The following AMOTL1 variants were observed in gnomAD, a reference collection of about 807,000 sequenced individuals.
AMOTL1 encodes the protein angiomotin like 1, also known as angiomotin-like protein 1.
Under a neutral mutation model 102.9 loss-of-function variants are expected in AMOTL1, and 45 were observed. The observed-to-expected ratio is 0.44, with a 90% confidence interval of 0.34 to 0.56. AMOTL1 has a LOEUF of 0.56. AMOTL1 is among the 20% of genes least tolerant of loss of function. The pLI, the probability that AMOTL1 is intolerant of heterozygous loss-of-function variation, is 0.01. For synonymous variants in AMOTL1, 481 were observed against 484.7 expected, an observed-to-expected ratio of 0.99 and a Z score of 0.10; for missense variants, 1,114 against 1,225.6, an observed-to-expected ratio of 0.91 and a Z score of 1.36.
intron 2 of AMOTL1, among the ~76,000 whole-genome samples, chr11:94,739,277 G>A (rs1169205719): frequency 6.6e-6 from 1 of 152,150 alleles, no homozygotes; most frequent in African/African-American, 2.4e-5. Flanking sequence ...AGTTGGGAGG[G>A]GATGGAGTGA....
At chr11:94,781,828 C>T (rs919425144) in intron 1 of AMOTL1, among the ~76,000 whole-genome samples, 4 of 150,166 alleles carry the variant, frequency 2.7e-5, no homozygotes, top group Admixed American at 6.6e-5. Flanking sequence ...AGCGAGACTC[C>T]GTCTCAAAAA....
At chr11:94,800,425 T>C in intron 3 of AMOTL1, 114 bp downstream of exon 3, 1 of 1,200,724 alleles carries the variant, frequency 8.3e-7, no homozygotes. Flanking sequence ...TTTTTCCTTA[T>C]GCATGATATT....
At chr11:94,789,034 C>A (rs933181913) in intron 1 of AMOTL1, among the ~76,000 whole-genome samples, 1 of 152,232 alleles carries the variant, frequency 6.6e-6, no homozygotes, top group Non-Finnish European at 1.5e-5. Flanking sequence ...CCCCACCCCT[C>A]AACCCCCAAC....
At chr11:94,790,055 GC>G (rs1951257187) in intron 1 of AMOTL1, among the ~76,000 whole-genome samples, 1 of 152,092 alleles carries the variant, frequency 6.6e-6, no homozygotes, top group Non-Finnish European at 1.5e-5. Context: ...GAGAGTAAGG[GC>G]CCCCTCATCT....
intron 9 of AMOTL1, among the ~76,000 whole-genome samples, chr11:94,861,737 A>G (rs1952777761): frequency 6.6e-6 from 1 of 152,222 alleles, no homozygotes; most frequent in African/African-American, 2.4e-5. Flanking sequence ...GAGGAATGAC[A>G]CAGGGGCTTC....
chr11:94,729,592 T>C (rs1213380208), intron 2 of AMOTL1, among the ~76,000 whole-genome samples: 1 of 152,116 alleles, frequency 6.6e-6, no homozygotes, highest in East Asian at 1.9e-4. Flanking sequence ...AGCATACAAA[T>C]ATAAGAACCA....
Position 94,874,632 on chromosome 11 carries a change from T to C in AMOTL1, c.*3837T>C, listed in dbSNP as rs1456379763. On this transcript the variant is annotated 3_prime_UTR_variant, in exon 13 of 13. Transcript: ENST00000433060. ...GCAGAGCAGCCAGTCATTACTCTTG[T>C]TTGTTCTCACCTGGGTGCGCACCCT... 1 of 152,206 alleles carries C rather than the reference T, an allele frequency of 6.6e-6. No homozygotes were observed. Among genetic ancestry groups the C allele is most frequent in the East Asian group, 1.9e-4 (1 of 5,198 alleles). 9.4% of individuals were successfully genotyped at this position (152,206 alleles called of 1,614,324 possible).
intron 3 of AMOTL1, among the ~76,000 whole-genome samples, chr11:94,815,811 G>T (rs544064067): frequency 1.3e-5 from 2 of 152,036 alleles, no homozygotes; most frequent in Non-Finnish European, 1.5e-5. Context: ...ATCTTGTATG[G>T]TAAATTTTTT....
intron 5 of AMOTL1, among the ~76,000 whole-genome samples, chr11:94,831,208 C>T (rs1389589588): frequency 6.6e-6 from 1 of 152,178 alleles, no homozygotes; most frequent in African/African-American, 2.4e-5. Context: ...GCACCTCTCC[C>T]TAGCTGCCTG....
chr11:94,731,552 C>A (rs111853558), intron 2 of AMOTL1, among the ~76,000 whole-genome samples: 7 of 152,244 alleles, frequency 4.6e-5, no homozygotes, highest in African/African-American at 1.7e-4. Flanking sequence ...AGAGCTAAGT[C>A]AGAAATGGAC....
At chr11:94,838,862 C>A (rs1952236084) in intron 6 of AMOTL1, among the ~76,000 whole-genome samples, 1 of 152,142 alleles carries the variant, frequency 6.6e-6, no homozygotes, top group Admixed American at 6.5e-5. Context: ...AGTGAGGATT[C>A]ACAATTAGCT....
intron 3 of AMOTL1, among the ~76,000 whole-genome samples, chr11:94,818,488 C>A (rs1015445036): frequency 6.6e-6 from 1 of 152,102 alleles, no homozygotes; most frequent in Non-Finnish European, 1.5e-5. Context: ...GCCTATATGG[C>A]AAATAATTTT....
intron 2 of AMOTL1, 94 bp downstream of exon 2, chr11:94,795,254 T>A: frequency 6.9e-7 from 1 of 1,443,106 alleles, no homozygotes; most frequent in East Asian, 2.3e-5. Flanking sequence ...GTTTATTCTC[T>A]AATCTTGTTT....
In AMOTL1 at chr11:94,768,525, A is replaced by G. The variant is rs371155522; in HGVS notation, c.14A>G (p.Lys5Arg). 1 of 1,601,986 alleles carries G rather than the reference A, an allele frequency of 6.2e-7. No individual in the cohort carries two copies. The highest frequency in any genetic ancestry group is 1.3e-5 in the African/African-American group (1 of 74,572). MWRA[K>R]LRRGTCEPAV... ...CATGATCGCCTCATGTGGAGGGCAA[A>G]GTTGCGCCGGGGAACTTGTGAGCCT... Residue 5 changes from lysine (K) to arginine (R), a missense_variant, in exon 1 of 13, where the codon AAG (lysine) becomes AGG (arginine). Lys to Arg is a conservative substitution (Grantham distance 26, BLOSUM62 2). Coordinates refer to ENST00000433060, the MANE Select transcript of AMOTL1 (RefSeq NM_130847.3).
chr11:94,823,549 TC>T (rs1333740159), intron 4 of AMOTL1, among the ~76,000 whole-genome samples: 1 of 152,102 alleles, frequency 6.6e-6, no homozygotes, highest in Non-Finnish European at 1.5e-5. Context: ...AGGACCTCTT[TC>T]TTCTCTCCTA....
chr11:94,727,851 G>T (rs1950286282), intron 1 of AMOTL1, among the ~76,000 whole-genome samples: 1 of 152,110 alleles, frequency 6.6e-6, no homozygotes, highest in Non-Finnish European at 1.5e-5. Flanking sequence ...TATTTTATTA[G>T]ATATTGTTAT....
At chr11:94,800,788 G>A (rs985431264) in intron 3 of AMOTL1, among the ~76,000 whole-genome samples, 4 of 152,174 alleles carry the variant, frequency 2.6e-5, no homozygotes, top group Non-Finnish European at 5.9e-5. Context: ...AGAAACTAAA[G>A]CCTGGAGAGA....
chr11:94,870,699 T>C lies in AMOTL1; in HGVS notation c.2775T>C (p.Pro925=), dbSNP rs1418004081. The C allele has an allele frequency of 1.3e-6, 2 of 1,598,974 alleles. No individual in the cohort carries two copies. Among genetic ancestry groups the C allele is most frequent in the South Asian group, 1.1e-5 (1 of 88,310 alleles). ...CCCTCTATTTGGCAGAGAACTCTCC[T>C]GGCCATGGGAAGTCGCCTGACCACA... The part of the protein sequence containing the change: ...KGTAEKLENS[P]GHGKSPDHRG... The change falls in exon 13 of 13, where the codon CCT becomes CCC. Residue 925 remains proline, a synonymous_variant. Coordinates refer to ENST00000433060, the MANE Select transcript of AMOTL1 (RefSeq NM_130847.3).
Position 94,737,165 on chromosome 11 carries a change from A to T in AMOTL1, c.86-3773A>T, listed in dbSNP as rs143521255. ...ACAAATTGAAGGCAAGTCCATTGTG[A>T]GAACAGTTTGGCAGGCTCCAGAACC... On this transcript the variant is annotated intron_variant, in intron 2 of 4. Transcript: ENST00000299004. Among the ~76,000 whole-genome samples the T allele has an allele frequency of 2.0e-3, 299 of 152,346 alleles. 2 individuals are homozygous for T. Among genetic ancestry groups the T allele is most frequent in the African/African-American group, 6.7e-3 (278 of 41,582 alleles).
Sources: allele counts gnomAD v4.1 joint callset (sites outside exome capture counted in the v4.1 genomes callset), GRCh38; gene constraint gnomAD v4.1.1; transcripts MANE v1.5; gene names NCBI Gene and HGNC (gene_info 2026-07-23, HGNC 2026-07-21).